Variants in MLLT10 observed in about 807,000 individuals in gnomAD.
MLLT10 encodes protein AF-10.
In MLLT10, 30 loss-of-function variants were observed where a neutral mutation model predicts 129.1. That is an observed-to-expected ratio of 0.23 (90% CI 0.17 to 0.32). MLLT10 has a LOEUF of 0.32. Among genes scored for constraint, MLLT10 ranks in the 10% least tolerant of loss-of-function variants. The pLI is 1.00. For missense variants in MLLT10, 1,119 were observed against 1,268.3 expected (o/e 0.88, Z 1.79); for synonymous variants, 490 against 446.4 (o/e 1.10, Z -1.23).
intron 3 of MLLT10, among the ~76,000 whole-genome samples, chr10:21,570,793 A>G (rs569665071): frequency 5.3e-5 from 8 of 151,936 alleles, no homozygotes; most frequent in Admixed American, 1.3e-4. Context: ...TTGTCTGCTA[A>G]TTCTCTTTTC....
chr10:21,672,859 T>C (rs2051615018), intron 10 of MLLT10, among the ~76,000 whole-genome samples: 1 of 152,206 alleles, frequency 6.6e-6, no homozygotes, highest in African/African-American at 2.4e-5. Context: ...ACTTCTTAAG[T>C]TCTTATTGTA....
intron 8 of MLLT10, among the ~76,000 whole-genome samples, chr10:21,627,767 C>T (rs1020567638): frequency 6.6e-6 from 1 of 152,146 alleles, no homozygotes; most frequent in South Asian, 2.1e-4. Flanking sequence ...ATTTTTAAAA[C>T]CAGCAAGTCT....
chr10:21,708,664 A>G (rs1216000788), intron 13 of MLLT10: 3 of 985,068 alleles, frequency 3.0e-6, no homozygotes, highest in African/African-American at 1.7e-5. Flanking sequence ...GTATGTAAGT[A>G]TACGTTGATG....
At chr10:21,662,135 T>C (rs1275412953) in intron 9 of MLLT10, among the ~76,000 whole-genome samples, 1 of 152,188 alleles carries the variant, frequency 6.6e-6, no homozygotes, top group Non-Finnish European at 1.5e-5. Context: ...GGTGTTTTCT[T>C]CTGGCTTCCT....
chr10:21,673,968 C>T (rs768268599), intron 11 of MLLT10, 49 bp downstream of exon 11: 5 of 1,411,578 alleles, frequency 3.5e-6, no homozygotes, highest in African/African-American at 1.4e-5. Flanking sequence ...CACCACCTCC[C>T]TTCTTCTGTC....
intron 17 of MLLT10, 36 bp from the exon 18 acceptor site, chr10:21,732,863 C>T: frequency 6.3e-7 from 1 of 1,581,088 alleles, no homozygotes. Flanking sequence ...TATGTGTGTA[C>T]TTGTCATTAT....
chr10:21,693,757 T>C (rs954318912), intron 13 of MLLT10, among the ~76,000 whole-genome samples: 5 of 152,232 alleles, frequency 3.3e-5, no homozygotes, highest in African/African-American at 4.8e-5. Flanking sequence ...CATATTTGGA[T>C]TTGAATACTG....
chr10:21,593,326 C>G (rs1278241093), intron 4 of MLLT10, among the ~76,000 whole-genome samples: 3 of 151,976 alleles, frequency 2.0e-5, no homozygotes, highest in Non-Finnish European at 4.4e-5. Flanking sequence ...CTCCTGATCT[C>G]AAGTGATCCG....
In MLLT10 at chr10:21,538,146, C is replaced by T. The variant is rs181254725; in HGVS notation, c.161-687C>T. The stretch of plus-strand genomic sequence containing the variant: ...GGGACTGTAGGCACATGCCACCGTG[C>T]CCAGCTAATTTTTTTTTTTTTTTTT... On this transcript the variant is annotated intron_variant, in intron 2 of 22. Coordinates refer to ENST00000307729, the MANE Select transcript of MLLT10 (RefSeq NM_001195626.3). Among the ~76,000 whole-genome samples the T allele has an allele frequency of 9.3e-3, 1,397 of 150,854 alleles. 31 individuals are homozygous for T. Among genetic ancestry groups the T allele is most frequent in the African/African-American group, 0.031 (1,286 of 40,860 alleles).
intron 4 of MLLT10, among the ~76,000 whole-genome samples, chr10:21,594,194 C>T (rs180861391): frequency 6.5e-4 from 99 of 151,956 alleles, no homozygotes; most frequent in Admixed American, 5.0e-3. Flanking sequence ...TTACTTGTTC[C>T]CTTTTTCTGT....
At chr10:21,646,008 C>T (rs2048436432) in intron 8 of MLLT10, among the ~76,000 whole-genome samples, 1 of 152,108 alleles carries the variant, frequency 6.6e-6, no homozygotes, top group Non-Finnish European at 1.5e-5. Flanking sequence ...AGTTCGAGAC[C>T]AGCCTGGCCA....
intron 8 of MLLT10, among the ~76,000 whole-genome samples, chr10:21,648,876 T>C (rs1039499296): frequency 2.6e-5 from 4 of 152,104 alleles, no homozygotes; most frequent in Non-Finnish European, 5.9e-5. Context: ...CTGCCCTTTA[T>C]AAAACCATCA....
chr10:21,619,354 TA>T (rs1369073278), intron 8 of MLLT10, among the ~76,000 whole-genome samples: 1 of 152,228 alleles, frequency 6.6e-6, no homozygotes, highest in African/African-American at 2.4e-5. Context: ...ATTTCATGCA[TA>T]TTATCTTGTA....
At chr10:21,566,942 T>G (rs1438369673) in intron 3 of MLLT10, among the ~76,000 whole-genome samples, 1 of 152,086 alleles carries the variant, frequency 6.6e-6, no homozygotes, top group Non-Finnish European at 1.5e-5. Context: ...GCCTCCCAAG[T>G]AGCTGGGATT....
intron 13 of MLLT10, among the ~76,000 whole-genome samples, chr10:21,704,016 G>GTTTTT (rs60982595): frequency 0.017 from 942 of 56,608 alleles, 48 homozygotes; most frequent in South Asian, 0.019. Flanking sequence ...ATTGTTTTTT[G>GTTTTT]TTTTTTTTTT....
At chr10:21,546,422 T>G (rs1010148837) in intron 3 of MLLT10, among the ~76,000 whole-genome samples, 3 of 151,122 alleles carry the variant, frequency 2.0e-5, no homozygotes, top group Non-Finnish European at 4.4e-5. Flanking sequence ...TTTTTTTTTT[T>G]GAGATGGAGT....
chr10:21,641,497 A>G (rs566151593), intron 8 of MLLT10, among the ~76,000 whole-genome samples: 10 of 152,216 alleles, frequency 6.6e-5, no homozygotes, highest in Non-Finnish European at 1.5e-4. Context: ...GAAGAACAAC[A>G]GCAACAAAAC....
intron 13 of MLLT10, among the ~76,000 whole-genome samples, chr10:21,711,405 G>A (rs1026591488): frequency 6.6e-6 from 1 of 151,752 alleles, no homozygotes; most frequent in African/African-American, 2.4e-5. Context: ...CTGGGCAACA[G>A]AGCAAGACTT....
chr10:21,719,591 C>G (rs536510000), intron 14 of MLLT10, among the ~76,000 whole-genome samples: 2 of 152,138 alleles, frequency 1.3e-5, no homozygotes, highest in Non-Finnish European at 2.9e-5. Flanking sequence ...TTGTGTGATG[C>G]AATGCAGAAG....
Sources: allele counts gnomAD v4.1 joint callset (sites outside exome capture counted in the v4.1 genomes callset), GRCh38; gene constraint gnomAD v4.1.1; transcripts MANE v1.5; gene names NCBI Gene and HGNC (gene_info 2026-07-23, HGNC 2026-07-21).